The following RPS6KA2 variants were observed in gnomAD, a reference collection of about 807,000 sequenced individuals.
RPS6KA2 encodes the protein ribosomal protein S6 kinase alpha-2.
Under a neutral mutation model 91.8 loss-of-function variants are expected in RPS6KA2, and 42 were observed. The observed-to-expected ratio is 0.46, with a 90% CI of 0.36 to 0.59. The LOEUF (loss-of-function observed/expected upper bound fraction) is 0.59, where lower values mean the gene tolerates loss of function less well. RPS6KA2 is among the 20% of genes least tolerant of loss of function. The pLI is 0.00. For missense variants in RPS6KA2, 798 were observed against 978.5 expected, an observed-to-expected ratio of 0.82 and a Z score of 2.46; for synonymous variants, 414 against 393.6, an observed-to-expected ratio of 1.05 and a Z score of -0.61.
intron 11 of RPS6KA2, among the ~76,000 whole-genome samples, chr6:166,461,985 C>T (rs550485419): frequency 6.6e-6 from 1 of 152,232 alleles, no homozygotes; most frequent in South Asian, 2.1e-4. Flanking sequence ...GGCTGCCACA[C>T]CTGTGTGACC....
At chr6:166,541,602 C>T (rs1783655950) in intron 1 of RPS6KA2, among the ~76,000 whole-genome samples, 2 of 152,210 alleles carry the variant, frequency 1.3e-5, no homozygotes, top group South Asian at 4.1e-4. Context: ...TCCCAGTCAG[C>T]CCGTTTTTTA....
At chr6:166,501,050 T>A in intron 6 of RPS6KA2, 126 bp from the exon 7 acceptor site, 1 of 788,734 alleles carries the variant, frequency 1.3e-6, no homozygotes, top group Non-Finnish European at 2.1e-6. Context: ...CTGATGGAGC[T>A]GGCCCAGGAG....
chr6:166,750,929 A>G (rs1298940081), intron 2 of RPS6KA2, among the ~76,000 whole-genome samples: 1 of 152,216 alleles, frequency 6.6e-6, no homozygotes, highest in African/African-American at 2.4e-5. Flanking sequence ...CAGGAGGAAA[A>G]GCACAACTCT....
chr6:166,504,384 C>G (rs1163683512), intron 6 of RPS6KA2, 122 bp downstream of exon 6: 2 of 613,672 alleles, frequency 3.3e-6, no homozygotes, highest in Non-Finnish European at 5.7e-6. Context: ...GTCTCCCCAG[C>G]CTGCTCTCTG....
In RPS6KA2 at chr6:166,412,334, T is replaced by G. The variant is rs1161345739; in HGVS notation, c.*428A>C. The G allele has an allele frequency of 6.5e-6, 1 of 154,730 alleles. No homozygotes were observed. The highest frequency in any genetic ancestry group is 1.4e-5 in the Non-Finnish European group (1 of 69,638). 9.6% of individuals were successfully genotyped at this position (154,730 alleles called of 1,614,324 possible). A position where few individuals can be genotyped will look rare whatever the true frequency, so the allele number is the denominator to read the frequency against. Reference sequence around the variant, plus strand: ...CCCTCTGGGGCCCTGCAACCACCAATGGCTGCGCCCTCGCACTGCCACTTT... The same window carrying G: ...CCCTCTGGGGCCCTGCAACCACCAAGGGCTGCGCCCTCGCACTGCCACTTT... On this transcript the variant is annotated 3_prime_UTR_variant, in exon 21 of 21. Coordinates refer to ENST00000265678, the MANE Select transcript of RPS6KA2 (RefSeq NM_021135.6). The surrounding 1 kb of genome is among the most constrained non-coding windows in gnomAD (Gnocchi z 4.3).
chr6:166,828,762 C>T (rs577397317), intron 2 of RPS6KA2, among the ~76,000 whole-genome samples: 2 of 152,154 alleles, frequency 1.3e-5, no homozygotes, highest in Non-Finnish European at 2.9e-5. Context: ...CACATCAGAT[C>T]GGGTAATGAT....
rs1778315878 is a variant in RPS6KA2, at chr6:166,411,863, A to C, written c.*899T>G. The C allele has an allele frequency of 6.6e-6, 1 of 152,214 alleles. No individual in the cohort carries two copies. Among genetic ancestry groups the C allele is most frequent in the Admixed American group, 6.6e-5 (1 of 15,266 alleles). The allele number at this position is 152,214 out of a possible 1,614,324, so 9.4% of individuals were successfully genotyped here. On this transcript the variant is annotated 3_prime_UTR_variant, in exon 21 of 21. Coordinates refer to ENST00000265678, the MANE Select transcript of RPS6KA2 (RefSeq NM_021135.6). The surrounding 1 kb of genome is among the most constrained non-coding windows in gnomAD (Gnocchi z 4.5). ...GAAAAATCGAAGTGAACACAGCAAAACCACAGCTTTAGGTGAGCACACAGG... is the reference window on the plus strand; with the variant it reads ...GAAAAATCGAAGTGAACACAGCAAACCCACAGCTTTAGGTGAGCACACAGG...
intron 1 of RPS6KA2, among the ~76,000 whole-genome samples, chr6:166,542,106 C>T (rs1783677274): frequency 6.6e-6 from 1 of 152,196 alleles, no homozygotes. Context: ...AAACAAAGAT[C>T]TGGTGTTCCA....
chr6:166,819,639 TA>T (rs1024234722), intron 2 of RPS6KA2, among the ~76,000 whole-genome samples: 6 of 152,324 alleles, frequency 3.9e-5, no homozygotes, highest in African/African-American at 1.4e-4. Context: ...AGTCTTTTGG[TA>T]AAAATCTTTA....
At chr6:166,844,588 C>G (rs1208867045) in intron 2 of RPS6KA2, among the ~76,000 whole-genome samples, 1 of 152,194 alleles carries the variant, frequency 6.6e-6, no homozygotes, top group Non-Finnish European at 1.5e-5. Context: ...AGAAACCCTA[C>G]CAGCTAGAAG....
Position 166,691,196 on chromosome 6 carries a change from G to A in RPS6KA2, c.124-152412C>T, listed in dbSNP as rs568194550. Among the ~76,000 whole-genome samples, 6 of 152,094 alleles carry A rather than the reference G, an allele frequency of 3.9e-5. No individual in the cohort carries two copies. In the South Asian group the frequency reaches 6.2e-4, roughly 16 times the overall value. On this transcript the variant is annotated intron_variant, in intron 2 of 21. Coordinates refer to the RPS6KA2 transcript ENST00000503859. The stretch of plus-strand genomic sequence containing the variant: ...TGATTGCCCTGAAAATTACGGCCCC[G>A]GGTTCTAGCCTCCACTAAGAGTGCT...
At position 166,448,647 on chromosome 6, in the gene RPS6KA2, C is replaced by T; in HGVS notation, c.1332+77G>A. On this transcript the variant is annotated intron_variant, in intron 14 of 20. Transcript: ENST00000265678. This position sits in a 1 kb window ranked among gnomAD's most constrained non-coding sequence, Gnocchi z 4.7. ...AGGGCCCTGCTATGCTCCTATGCTC[C>T]GTGCTCCCACATACCACACGTGCTC... 6.7e-7 allele frequency: 1 copy of T among 1,502,164 alleles called. No homozygotes were observed. Among genetic ancestry groups the T allele is most frequent in the Non-Finnish European group, 9.0e-7 (1 of 1,113,738 alleles). 93.1% of individuals were successfully genotyped at this position (1,502,164 alleles called of 1,614,324 possible). A position where few individuals can be genotyped will look rare whatever the true frequency, so the allele number is the denominator to read the frequency against.
At chr6:166,632,026 G>A (rs1424909222), upstream of RPS6KA2, among the ~76,000 whole-genome samples, 6 of 152,168 alleles carry the variant, frequency 3.9e-5, no homozygotes, top group Admixed American at 3.3e-4. Context: ...GCTGCCATGC[G>A]GTGCCTTCAA....
intron 11 of RPS6KA2, among the ~76,000 whole-genome samples, chr6:166,463,917 C>T (rs957020041): frequency 2.6e-5 from 4 of 152,158 alleles, no homozygotes; most frequent in South Asian, 2.1e-4. Flanking sequence ...GCAGTTTACC[C>T]GGCTGTAGGT....
chr6:166,814,306 T>G (rs912735599), intron 2 of RPS6KA2, among the ~76,000 whole-genome samples: 3 of 152,216 alleles, frequency 2.0e-5, no homozygotes, highest in Non-Finnish European at 4.4e-5. Context: ...AGTTCTTTGG[T>G]TTTAAGGCAT....
intron 2 of RPS6KA2, among the ~76,000 whole-genome samples, chr6:166,714,473 T>A (rs770042972): frequency 6.6e-6 from 1 of 152,234 alleles, no homozygotes; most frequent in Non-Finnish European, 1.5e-5. Context: ...GTGAATGTGA[T>A]GTGACCTCAT....
At chr6:166,582,792 G>A (rs1785062001) in intron 1 of RPS6KA2, among the ~76,000 whole-genome samples, 1 of 152,156 alleles carries the variant, frequency 6.6e-6, no homozygotes, top group Non-Finnish European at 1.5e-5. Flanking sequence ...TTGCTATTAT[G>A]CATCCAATGT....
intron 10 of RPS6KA2, chr6:166,475,783 C>T (rs1220161288): frequency 1.9e-6 from 1 of 533,032 alleles, no homozygotes; most frequent in Admixed American, 1.9e-5. Flanking sequence ...CAGTCTTAGA[C>T]TCAGAAGCCT....
intron 12 of RPS6KA2, among the ~76,000 whole-genome samples, chr6:166,455,696 C>A (rs113618328): frequency 6.6e-6 from 1 of 152,314 alleles, no homozygotes; most frequent in African/African-American, 2.4e-5. Flanking sequence ...GGCTCTGCTT[C>A]GCGGCACACG....
Sources: gnomAD v4.1 joint callset for allele counts (sites outside exome capture counted in the v4.1 genomes callset) on GRCh38, gnomAD v4.1.1 for gene constraint, Gnocchi (gnomAD v3.1) non-coding constraint, MANE v1.5 for transcripts, NCBI Gene and HGNC (gene_info 2026-07-23, HGNC 2026-07-21) for gene names.